RBFOX1: variants seen among roughly 807,000 people sequenced by gnomAD.
The protein encoded by RBFOX1 is RNA binding protein fox-1 homolog 1.
RBFOX1 carries 8 observed loss-of-function variants against 57.7 expected under a neutral mutation model. That is an observed-to-expected ratio of 0.14 (90% CI 0.08 to 0.25). The LOEUF is 0.25. Among genes scored for constraint, RBFOX1 ranks in the 10% least tolerant of loss-of-function variants. The probability of loss-of-function intolerance (pLI) is 1.00; values close to 1 mark genes in which losing one functional copy is unlikely to be tolerated. For synonymous variants in RBFOX1, 326 were observed against 222.4 expected, an observed-to-expected ratio of 1.47 and a Z score of -4.15; for missense variants, 611 against 548.5, an observed-to-expected ratio of 1.11 and a Z score of -1.14.
intron 3 of RBFOX1, among the ~76,000 whole-genome samples, chr16:5,839,773 G>T (rs995354389): frequency 3.9e-5 from 6 of 152,292 alleles, no homozygotes; most frequent in African/African-American, 1.4e-4. Flanking sequence ...TTCAAGGCAG[G>T]AGGTGGATGA....
chr16:6,895,151 A>G (rs1030362182), intron 3 of RBFOX1, among the ~76,000 whole-genome samples: 1 of 152,090 alleles, frequency 6.6e-6, no homozygotes, highest in Non-Finnish European at 1.5e-5. Context: ...ACCAAATCAA[A>G]AAAGATGATC....
intron 4 of RBFOX1, among the ~76,000 whole-genome samples, chr16:7,514,431 G>T (rs1332630570): frequency 6.6e-6 from 1 of 152,110 alleles, no homozygotes; most frequent in Non-Finnish European, 1.5e-5. Flanking sequence ...TATGCTGTTG[G>T]ACCATGGAGA....
intron 4 of RBFOX1, among the ~76,000 whole-genome samples, chr16:5,924,261 C>G (rs576204173): frequency 2.0e-5 from 3 of 152,250 alleles, no homozygotes; most frequent in East Asian, 3.9e-4. Flanking sequence ...TCAGGTATTT[C>G]TTCATAGCAG....
At chr16:7,079,039 G>C (rs184618484) in intron 4 of RBFOX1, among the ~76,000 whole-genome samples, 1 of 151,322 alleles carries the variant, frequency 6.6e-6, no homozygotes, top group Non-Finnish European at 1.5e-5. Context: ...TATCTTTTTT[G>C]GGGGGAAACA....
intron 3 of RBFOX1, among the ~76,000 whole-genome samples, chr16:5,831,961 C>T (rs78039956): frequency 0.023 from 3,560 of 152,138 alleles, 73 homozygotes; most frequent in Non-Finnish European, 0.031. Flanking sequence ...AAATGTCTAT[C>T]GAGAGGTTGA....
At chr16:5,468,426 A>G (rs3848379) in intron 2 of RBFOX1, among the ~76,000 whole-genome samples, 60,221 of 151,940 alleles carry the variant, frequency 0.4, 12,986 homozygotes, top group East Asian at 0.53. Flanking sequence ...TGAGTTTTTC[A>G]CATAAGTGGA....
At chr16:6,785,925 G>T (rs536935415) in intron 3 of RBFOX1, among the ~76,000 whole-genome samples, 149 of 152,282 alleles carry the variant, frequency 9.8e-4, no homozygotes, top group African/African-American at 3.5e-3. Flanking sequence ...TGTGACTGAG[G>T]AACCTTGTGT....
At chr16:6,352,697 A>G (rs183546315) in intron 2 of RBFOX1, among the ~76,000 whole-genome samples, 1 of 152,306 alleles carries the variant, frequency 6.6e-6, no homozygotes, top group African/African-American at 2.4e-5. Flanking sequence ...TGCGTGTTTG[A>G]TACAAAGGGC....
chr16:5,647,547 T>G (rs2049093279), intron 3 of RBFOX1, among the ~76,000 whole-genome samples: 1 of 152,184 alleles, frequency 6.6e-6, no homozygotes, highest in Non-Finnish European at 1.5e-5. Context: ...CAAATGTTAG[T>G]CTCTGTCCCG....
chr16:5,775,017 C>T (rs1433528609), intron 3 of RBFOX1, among the ~76,000 whole-genome samples: 2 of 152,140 alleles, frequency 1.3e-5, no homozygotes, highest in South Asian at 2.1e-4. Context: ...GAATGGCAAT[C>T]CCCTTCGCTT....
At chr16:7,659,684 C>T (rs1374561467) in intron 12 of RBFOX1, among the ~76,000 whole-genome samples, 2 of 152,152 alleles carry the variant, frequency 1.3e-5, no homozygotes, top group South Asian at 2.1e-4. Context: ...CCACATGCAG[C>T]ATATGGGCTG....
chr16:5,448,956 C>A (rs988475222), intron 1 of RBFOX1, among the ~76,000 whole-genome samples: 3 of 152,222 alleles, frequency 2.0e-5, no homozygotes, highest in African/African-American at 7.2e-5. Flanking sequence ...GACCCCCTGG[C>A]TGCCATAACC....
At chr16:6,177,754 C>G (rs1311624572) in intron 1 of RBFOX1, among the ~76,000 whole-genome samples, 2 of 151,988 alleles carry the variant, frequency 1.3e-5, no homozygotes, top group African/African-American at 2.4e-5. Context: ...AATGAGTACA[C>G]CCAAGCACGC....
intron 3 of RBFOX1, among the ~76,000 whole-genome samples, chr16:6,996,000 A>T (rs182312037): frequency 8.7e-4 from 132 of 152,352 alleles, no homozygotes; most frequent in African/African-American, 3.1e-3. Flanking sequence ...GTATATTTAT[A>T]GCATACAAAT....
chr16:5,509,450 T>C (rs899043523), intron 2 of RBFOX1, among the ~76,000 whole-genome samples: 1 of 152,166 alleles, frequency 6.6e-6, no homozygotes. Context: ...CTGTTCACAA[T>C]TGTGTCTCCA....
intron 1 of RBFOX1, among the ~76,000 whole-genome samples, chr16:6,229,283 A>G (rs908234111): frequency 5.3e-5 from 8 of 152,332 alleles, no homozygotes; most frequent in Admixed American, 2.0e-4. Context: ...GGAAAATACT[A>G]TACTTTGAAC....
At chr16:6,800,274 C>T (rs974979447) in intron 3 of RBFOX1, among the ~76,000 whole-genome samples, 3 of 149,734 alleles carry the variant, frequency 2.0e-5, no homozygotes, top group African/African-American at 5.1e-5. Context: ...ATTGAAAACC[C>T]AGCACCCTGG....
At chr16:6,802,023 A>AC (rs1478827900) in intron 3 of RBFOX1, among the ~76,000 whole-genome samples, 1 of 151,784 alleles carries the variant, frequency 6.6e-6, no homozygotes, top group Non-Finnish European at 1.5e-5. Flanking sequence ...GTTCTTTTAG[A>AC]CCCCGCAATA....
At chr16:7,029,061 TATATATATATATATATATATACAC>T (rs2041896216) in intron 3 of RBFOX1, among the ~76,000 whole-genome samples, 1 of 30,914 alleles carries the variant, frequency 3.2e-5, no homozygotes, top group African/African-American at 2.3e-4. Context: ...TATATATATA[TATATATATATATATATATATACAC>T]ACACACACAC....
Sources: allele counts gnomAD v4.1 joint callset (sites outside exome capture counted in the v4.1 genomes callset), GRCh38; gene constraint gnomAD v4.1.1; transcripts MANE v1.5; gene names NCBI Gene and HGNC (gene_info 2026-07-23, HGNC 2026-07-21).